SGIP1: variants seen among roughly 807,000 people sequenced by gnomAD.
The protein encoded by SGIP1 is SH3GL interacting endocytic adaptor 1, also known as SH3-containing GRB2-like protein 3-interacting protein 1.
Under a neutral mutation model 107.5 loss-of-function variants are expected in SGIP1, and 38 were observed. The ratio of observed to expected loss-of-function variants is 0.35; its 90% confidence interval spans 0.27 to 0.46. The LOEUF (loss-of-function observed/expected upper bound fraction) is 0.46, where lower values mean the gene tolerates loss of function less well. Ranked by LOEUF, SGIP1 falls within the 20% of genes least tolerant of loss-of-function variation. The pLI, the probability that SGIP1 is intolerant of heterozygous loss-of-function variation, is 1.00. For missense variants in SGIP1, 929 were observed against 1,019.5 expected (o/e 0.91, Z 1.21); for synonymous variants, 365 against 366.1 (o/e 1.00, Z 0.03).
intron 1 of SGIP1, among the ~76,000 whole-genome samples, chr1:66,592,171 T>TCCCATGAAGGCCATATCTCAGAC (rs2063756146): frequency 6.6e-6 from 1 of 152,084 alleles, no homozygotes; most frequent in African/African-American, 2.4e-5. Context: ...GGTCTTTCCC[T>TCCCATGAAGGCCATATCTCAGAC]TCCCATGAAG....
At chr1:66,680,172 A>G (rs1557597175) in intron 14 of SGIP1, among the ~76,000 whole-genome samples, 1 of 152,240 alleles carries the variant, frequency 6.6e-6, no homozygotes, top group East Asian at 1.9e-4. Context: ...CTATGAAGAC[A>G]TAAAATGGTT....
At chr1:66,537,583 A>C (rs2053923399) in intron 1 of SGIP1, among the ~76,000 whole-genome samples, 1 of 152,096 alleles carries the variant, frequency 6.6e-6, no homozygotes, top group African/African-American at 2.4e-5. Flanking sequence ...TTTTAGTTCC[A>C]TATTCAGGCT....
intron 7 of SGIP1, among the ~76,000 whole-genome samples, chr1:66,644,332 G>C (rs1265925333): frequency 6.8e-6 from 1 of 147,504 alleles, no homozygotes; most frequent in Non-Finnish European, 1.5e-5. Flanking sequence ...CTACAGACAA[G>C]CTAAGATTTG....
chr1:66,713,440 A>G (rs2093040980), intron 18 of SGIP1, among the ~76,000 whole-genome samples: 1 of 152,160 alleles, frequency 6.6e-6, no homozygotes, highest in Admixed American at 6.5e-5. Flanking sequence ...TGTACACTCC[A>G]GTGTACAAAG....
chr1:66,624,023 G>C (rs1269787593), intron 1 of SGIP1, among the ~76,000 whole-genome samples: 1 of 152,198 alleles, frequency 6.6e-6, no homozygotes, highest in Non-Finnish European at 1.5e-5. Flanking sequence ...TGGAATGTGT[G>C]TGTATTTTCT....
intron 1 of SGIP1, among the ~76,000 whole-genome samples, chr1:66,572,999 A>G (rs2060586582): frequency 6.6e-6 from 1 of 152,098 alleles, no homozygotes; most frequent in African/African-American, 2.4e-5. Context: ...AAATGTCCAG[A>G]ATAGGCAAAT....
chr1:66,734,657 A>T (rs910254964), intron 21 of SGIP1, among the ~76,000 whole-genome samples: 7 of 151,782 alleles, frequency 4.6e-5, no homozygotes, highest in African/African-American at 1.5e-4. Context: ...GGCATGCACC[A>T]CCAAGCCCTG....
At chr1:66,690,413 T>C (rs1251144782) in intron 17 of SGIP1, 97 bp downstream of exon 17, 2 of 1,520,308 alleles carry the variant, frequency 1.3e-6, no homozygotes, top group Admixed American at 3.8e-5. Context: ...TGGTTGAAAT[T>C]GTTTTGCTGT....
intron 19 of SGIP1, among the ~76,000 whole-genome samples, chr1:66,720,285 A>G (rs938954569): frequency 2.0e-5 from 3 of 152,242 alleles, no homozygotes; most frequent in Admixed American, 1.3e-4. Context: ...AAACTAAACA[A>G]CTAAGTCAGA....
chr1:66,667,665 G>GC, intron 9 of SGIP1, 124 bp downstream of exon 9: 1 of 845,896 alleles, frequency 1.2e-6, no homozygotes, highest in Non-Finnish European at 2.0e-6. Context: ...GATGAAATAG[G>GC]TTTACTGATT....
chr1:66,620,221 G>GT lies in SGIP1; in HGVS notation c.11-5619dup, dbSNP rs1274662164. ...GGAAATTCTAAGGTACTTTGTGGGA[G>GT]TTTTTTTAGTTAGTTTAGGGAAGCT... On this transcript the variant is annotated intron_variant, in intron 1 of 24. Transcript: ENST00000371037. Among the ~76,000 whole-genome samples, 7 of 152,264 alleles carry GT rather than the reference G, an allele frequency of 4.6e-5. No individual in the cohort carries two copies. The South Asian group carries it at 1.5e-3, about 32-fold the overall frequency.
At chr1:66,558,117 C>G (rs1311664759) in intron 1 of SGIP1, among the ~76,000 whole-genome samples, 1 of 151,966 alleles carries the variant, frequency 6.6e-6, no homozygotes, top group Non-Finnish European at 1.5e-5. Context: ...TCTTATTCAC[C>G]ATGAAGCCGT....
At chr1:66,711,315 A>G (rs1277065810) in intron 18 of SGIP1, among the ~76,000 whole-genome samples, 1 of 152,156 alleles carries the variant, frequency 6.6e-6, no homozygotes, top group East Asian at 1.9e-4. Context: ...AAAAGGTACT[A>G]TCTTCATTAT....
intron 7 of SGIP1, among the ~76,000 whole-genome samples, chr1:66,650,808 T>C (rs778799264): frequency 6.6e-6 from 1 of 152,190 alleles, no homozygotes; most frequent in Non-Finnish European, 1.5e-5. Flanking sequence ...CCTTTATTTT[T>C]GTTTTTCAGA....
chr1:66,737,940 C>T (rs181045373), intron 21 of SGIP1, among the ~76,000 whole-genome samples: 3 of 151,526 alleles, frequency 2.0e-5, no homozygotes, highest in South Asian at 2.1e-4. Context: ...GAAATTGGGA[C>T]GATCAAAAAC....
At chr1:66,595,113 G>A (rs1370424885) in intron 1 of SGIP1, among the ~76,000 whole-genome samples, 3 of 152,164 alleles carry the variant, frequency 2.0e-5, no homozygotes, top group Admixed American at 6.5e-5. Context: ...CCATGCTAAA[G>A]ACACATTTAT....
At chr1:66,699,891 G>A (rs1343681143) in intron 18 of SGIP1, among the ~76,000 whole-genome samples, 1 of 152,068 alleles carries the variant, frequency 6.6e-6, no homozygotes, top group Admixed American at 6.6e-5. Context: ...GTTTTAAATT[G>A]GGGAATTTGA....
chr1:66,577,832 A>G (rs1463507271), intron 1 of SGIP1, among the ~76,000 whole-genome samples: 2 of 151,344 alleles, frequency 1.3e-5, no homozygotes, highest in African/African-American at 4.9e-5. Flanking sequence ...GAGGAGGAAT[A>G]GGACAATGAC....
At chr1:66,630,430 A>G (rs1457109210) in intron 2 of SGIP1, among the ~76,000 whole-genome samples, 3 of 152,138 alleles carry the variant, frequency 2.0e-5, no homozygotes, top group African/African-American at 7.2e-5. Context: ...TCCCAGCTCC[A>G]TTAGCAGAGG....
Sources: allele counts gnomAD v4.1 joint callset (sites outside exome capture counted in the v4.1 genomes callset), GRCh38; gene constraint gnomAD v4.1.1; transcripts MANE v1.5; gene names NCBI Gene and HGNC (gene_info 2026-07-23, HGNC 2026-07-21).